The following NDST1 variants were observed in gnomAD, a reference collection of about 807,000 sequenced individuals.
The protein encoded by NDST1 is bifunctional heparan sulfate N-deacetylase/N-sulfotransferase 1.
A neutral mutation model predicts 92.8 loss-of-function variants in NDST1; 35 were observed. The ratio of observed to expected loss-of-function variants is 0.38; its 90% CI spans 0.29 to 0.50. The LOEUF is 0.50. NDST1 is among the 20% of genes least tolerant of loss of function. The probability of loss-of-function intolerance (pLI) is 0.94; values close to 1 mark genes in which losing one functional copy is unlikely to be tolerated. For missense variants in NDST1, 822 were observed against 1,182.7 expected, an observed-to-expected ratio of 0.69 and a Z score of 4.47; for synonymous variants, 493 against 500.3, an observed-to-expected ratio of 0.99 and a Z score of 0.19.
chr5:150,549,558 C>A, intron 12 of NDST1, 120 bp from the exon 13 acceptor site: 2 of 709,440 alleles, frequency 2.8e-6, no homozygotes. Flanking sequence ...GGAGGAGGAG[C>A]CAGTTCTAGA....
chr5:150,528,327 G>T, intron 3 of NDST1, 29 bp downstream of exon 3: 1 of 1,558,146 alleles, frequency 6.4e-7, no homozygotes, highest in Non-Finnish European at 8.7e-7. Context: ...GACCGGGCAA[G>T]GCAGGTGGGG....
Position 150,540,202 on chromosome 5 carries a change from C to G in NDST1, c.1687C>G (p.Pro563Ala), listed in dbSNP as rs756789556. ...GAACCTCCGGCTGCAGACACTGCCC[C>G]CTGTGCAGTTGGCGCAGAAGTACTT... ...WTNLRLQTLP[P>A]VQLAQKYFQI... The change falls in exon 8 of 15, where the codon CCT becomes GCT. Residue 563 changes from proline (P) to alanine (A), a missense_variant. Coordinates refer to ENST00000261797, the MANE Select transcript of NDST1 (RefSeq NM_001543.5). 6 of 1,614,152 alleles carry G rather than the reference C, an allele frequency of 3.7e-6. No individual in the cohort carries two copies. The highest frequency in any genetic ancestry group is 5.1e-6 in the Non-Finnish European group (6 of 1,180,010).
chr5:150,518,429 C>T (rs971352803), intron 1 of NDST1, among the ~76,000 whole-genome samples: 4 of 152,088 alleles, frequency 2.6e-5, no homozygotes, highest in Admixed American at 6.6e-5. Context: ...GATCACCTGC[C>T]CCAACCCCCT....
At chr5:150,552,664 C>T (rs951832100) in intron 14 of NDST1, 9 of 193,228 alleles carry the variant, frequency 4.7e-5, no homozygotes, top group African/African-American at 1.7e-4. Context: ...TGGCCCTGCC[C>T]GCCTTGGGTT....
rs1755811321 is a variant in NDST1, at chr5:150,553,703, A to G, written c.*371A>G. The G allele has an allele frequency of 2.4e-6, 1 of 410,442 alleles. No homozygotes were observed. Among genetic ancestry groups the G allele is most frequent in the Admixed American group, 3.6e-5 (1 of 28,120 alleles). 25.4% of individuals were successfully genotyped at this position (410,442 alleles called of 1,614,324 possible). A position where few individuals can be genotyped will look rare whatever the true frequency, so the allele number is the denominator to read the frequency against. On this transcript the variant is annotated 3_prime_UTR_variant, in exon 15 of 15. Coordinates refer to ENST00000261797, the MANE Select transcript of NDST1 (RefSeq NM_001543.5). The surrounding 1 kb of genome is among the most constrained non-coding windows in gnomAD (Gnocchi z 4.2). The stretch of plus-strand genomic sequence containing the variant: ...CTGCTTCCGCAGGGCGCCCCTCAGT[A>G]TTCGCTGCCATATGTCCCTGTCCTC...
chr5:150,540,108 C>A lies in NDST1; in HGVS notation c.1593C>A (p.Ser531=). Reference sequence around the variant, plus strand: ...TCAGCATCTTCATGACGCACCTGTCCAACTATGGGAATGACCGCCTGGGCC... The same window carrying A: ...TCAGCATCTTCATGACGCACCTGTCAAACTATGGGAATGACCGCCTGGGCC... ...NPISIFMTHL[S]NYGNDRLGLY... is the part of the protein sequence containing the mutation. Residue 531 remains serine, a synonymous_variant, in exon 8 of 15, where the codon TCC becomes TCA. Coordinates refer to ENST00000261797, the MANE Select transcript of NDST1 (RefSeq NM_001543.5). The A allele has an allele frequency of 6.2e-7, 1 of 1,614,202 alleles. No individual in the cohort carries two copies. The highest frequency in any genetic ancestry group is 1.1e-5 in the South Asian group (1 of 91,084).
At position 150,545,180 on chromosome 5, in the gene NDST1, TTTGG is replaced by T. The variant is rs1755425903; in HGVS notation, c.1971-127_1971-124del. The T allele has an allele frequency of 2.9e-6, 3 of 1,051,608 alleles. No homozygotes were observed. In the South Asian group the frequency reaches 3.9e-5, roughly 14 times the overall value. 65.1% of individuals were successfully genotyped at this position (1,051,608 alleles called of 1,614,324 possible). The stretch of plus-strand genomic sequence containing the variant: ...AATCCCCACTGGAGGCAAGTCCTTG[TTTGG>T]TTGGGAGCAAAGCTTCCCACTTGCT... On this transcript the variant is annotated intron_variant, in intron 10 of 14. Transcript: ENST00000261797.
chr5:150,532,286 G>A (rs1308244763), intron 3 of NDST1, among the ~76,000 whole-genome samples: 3 of 152,200 alleles, frequency 2.0e-5, no homozygotes, highest in African/African-American at 7.2e-5. Context: ...AGCCTTATGA[G>A]GGAGATATTA....
chr5:150,504,325 G>C (rs1304177982), upstream of NDST1, among the ~76,000 whole-genome samples: 1 of 152,186 alleles, frequency 6.6e-6, no homozygotes, highest in Admixed American at 6.5e-5. Context: ...TTGGTAAATT[G>C]AGGTCTGGAG....
At chr5:150,532,549 G>C (rs1434782632) in intron 3 of NDST1, among the ~76,000 whole-genome samples, 1 of 151,954 alleles carries the variant, frequency 6.6e-6, no homozygotes, top group East Asian at 1.9e-4. Context: ...ACGGAATCTC[G>C]CTCTGTCACC....
intron 12 of NDST1, among the ~76,000 whole-genome samples, chr5:150,549,186 A>G (rs1273114310): frequency 1.3e-5 from 2 of 151,928 alleles, no homozygotes; most frequent in Non-Finnish European, 2.9e-5. Flanking sequence ...TAATTTTTGT[A>G]TTTTTAGTAG....
intron 3 of NDST1, among the ~76,000 whole-genome samples, chr5:150,531,500 C>CTTTTTTTTTTTTT (rs35747232): frequency 7.6e-6 from 1 of 131,140 alleles, no homozygotes; most frequent in Non-Finnish European, 1.6e-5. Flanking sequence ...CTTTTTCTCT[C>CTTTTTTTTTTTTT]TTTTTTTTTT....
intron 1 of NDST1, among the ~76,000 whole-genome samples, chr5:150,510,825 A>G (rs1029568623): frequency 2.6e-5 from 4 of 152,266 alleles, no homozygotes; most frequent in African/African-American, 9.6e-5. Flanking sequence ...GCTACTTCCA[A>G]GAAAGATCAC....
In NDST1 at chr5:150,553,340, C is replaced by T; in HGVS notation, c.*8C>T. The T allele has an allele frequency of 6.2e-7, 1 of 1,612,320 alleles. No individual in the cohort carries two copies. Among genetic ancestry groups the T allele is most frequent in the Non-Finnish European group, 8.5e-7 (1 of 1,178,780 alleles). On this transcript the variant is annotated 3_prime_UTR_variant, in exon 15 of 15. Coordinates refer to ENST00000261797, the MANE Select transcript of NDST1 (RefSeq NM_001543.5). The surrounding 1 kb of genome is among the most constrained non-coding windows in gnomAD (Gnocchi z 4.2). ...CTCCAGAACACCAGGTAGCCGTGGC[C>T]ACCACAGCCAGACTGAACGTTTGTG...
intron 13 of NDST1, among the ~76,000 whole-genome samples, chr5:150,551,465 G>A (rs1380794804): frequency 6.6e-6 from 1 of 152,228 alleles, no homozygotes. Flanking sequence ...TGAAGGATGG[G>A]AAACTGTTCA....
At position 150,528,173 on chromosome 5, in the gene NDST1, G is replaced by C; in HGVS notation, c.883G>C (p.Val295Leu). ...LNFWLHKLVF[V>L]DAVAFLTGKR... ...CTTCTGGCTGCACAAGCTTGTCTTC[G>C]TGGATGCCGTGGCCTTCCTCACGGG... Residue 295 changes from valine to leucine, a missense_variant, in exon 3 of 15, where the codon GTG becomes CTG. Val to Leu is a conservative substitution (Grantham distance 32). Coordinates refer to ENST00000261797, the MANE Select transcript of NDST1 (RefSeq NM_001543.5). 1 of 1,614,252 alleles carries C rather than the reference G, an allele frequency of 6.2e-7. No individual in the cohort carries two copies. The highest frequency in any genetic ancestry group is 8.5e-7 in the Non-Finnish European group (1 of 1,180,050).
chr5:150,539,493 C>A (rs117236651), intron 7 of NDST1, 137 bp downstream of exon 7: 2 of 1,574,586 alleles, frequency 1.3e-6, no homozygotes, highest in Non-Finnish European at 1.7e-6. Context: ...GACCCACTCT[C>A]CAGCACTGGC....
chr5:150,505,555 T>C (rs1753412780), upstream of NDST1, among the ~76,000 whole-genome samples: 1 of 152,122 alleles, frequency 6.6e-6, no homozygotes, highest in South Asian at 2.1e-4. Flanking sequence ...GCCCAGAACA[T>C]AATGGCATCA....
At chr5:150,533,294 G>T (rs991092604) in intron 4 of NDST1, among the ~76,000 whole-genome samples, 1 of 152,204 alleles carries the variant, frequency 6.6e-6, no homozygotes, top group South Asian at 2.1e-4. Flanking sequence ...CCTGGGTGGG[G>T]CATCTTCTCC....
Sources: gnomAD v4.1 joint callset for allele counts (sites outside exome capture counted in the v4.1 genomes callset) on GRCh38, gnomAD v4.1.1 for gene constraint, Gnocchi (gnomAD v3.1) non-coding constraint, MANE v1.5 for transcripts, NCBI Gene and HGNC (gene_info 2026-07-23, HGNC 2026-07-21) for gene names.